The following EYA1 variants were observed in gnomAD, a reference collection of about 807,000 sequenced individuals.
EYA1 encodes protein phosphatase EYA1.
In EYA1, 16 loss-of-function variants were observed where a neutral mutation model predicts 82.0. The observed-to-expected ratio is 0.20, with a 90% CI of 0.13 to 0.30. The LOEUF is 0.30. Ranked by LOEUF, EYA1 falls within the 10% of genes least tolerant of loss-of-function variation. EYA1 has a pLI of 1.00. For synonymous variants in EYA1, 261 were observed against 264.4 expected, an observed-to-expected ratio of 0.99 and a Z score of 0.12; for missense variants, 633 against 730.7, an observed-to-expected ratio of 0.87 and a Z score of 1.54.
At chr8:71,425,056 C>T (rs573103019) in intron 2 of EYA1, among the ~76,000 whole-genome samples, 5 of 132,900 alleles carry the variant, frequency 3.8e-5, no homozygotes, top group Non-Finnish European at 7.6e-5. Flanking sequence ...GTCAGGAGAT[C>T]GAGACTATCC....
At chr8:71,266,496 C>T (rs1435321732) in intron 11 of EYA1, among the ~76,000 whole-genome samples, 2 of 152,170 alleles carry the variant, frequency 1.3e-5, no homozygotes, top group African/African-American at 4.8e-5. Context: ...TTGCATGCTT[C>T]CAGCTACAAT....
intron 2 of EYA1, among the ~76,000 whole-genome samples, chr8:71,386,340 A>G (rs953067723): frequency 2.6e-5 from 4 of 152,200 alleles, no homozygotes; most frequent in African/African-American, 4.8e-5. Context: ...GAGTCGCTCA[A>G]GCTCTCAAAA....
intron 17 of EYA1, among the ~76,000 whole-genome samples, chr8:71,208,161 A>T (rs1808049850): frequency 6.6e-6 from 1 of 152,100 alleles, no homozygotes; most frequent in Non-Finnish European, 1.5e-5. Context: ...GGCCGGGCAC[A>T]GTGGCTCATG....
intron 2 of EYA1, among the ~76,000 whole-genome samples, chr8:71,463,744 C>T (rs1808581019): frequency 6.6e-6 from 1 of 151,254 alleles, no homozygotes; most frequent in Non-Finnish European, 1.5e-5. Flanking sequence ...TCTCTAGTTT[C>T]CCATTCCTAC....
At chr8:71,426,729 G>T (rs529128623) in intron 2 of EYA1, among the ~76,000 whole-genome samples, 7 of 152,238 alleles carry the variant, frequency 4.6e-5, no homozygotes, top group African/African-American at 1.4e-4. Context: ...TTACAATTTT[G>T]CTTTATAAAT....
chr8:71,387,469 C>T (rs894943348), intron 2 of EYA1, among the ~76,000 whole-genome samples: 9 of 151,980 alleles, frequency 5.9e-5, no homozygotes, highest in Non-Finnish European at 1.2e-4. Flanking sequence ...TAGCAGTGGT[C>T]CAGGTGAGAG....
intron 2 of EYA1, among the ~76,000 whole-genome samples, chr8:71,473,122 T>C (rs970896802): frequency 6.6e-6 from 1 of 151,786 alleles, no homozygotes; most frequent in East Asian, 1.9e-4. Context: ...GCAAATACAA[T>C]ATAATATTAC....
intron 2 of EYA1, among the ~76,000 whole-genome samples, chr8:71,380,594 C>A (rs1026968303): frequency 2.0e-5 from 3 of 152,192 alleles, no homozygotes; most frequent in Non-Finnish European, 4.4e-5. Context: ...GTGCTGCTCC[C>A]TGGCCTGGAA....
At chr8:71,308,847 A>G (rs1002183650) in intron 7 of EYA1, among the ~76,000 whole-genome samples, 2 of 152,078 alleles carry the variant, frequency 1.3e-5, no homozygotes, top group Non-Finnish European at 2.9e-5. Context: ...TGTACTTGCC[A>G]TGTTTTAGAG....
chr8:71,212,130 G>A (rs1209804459), intron 16 of EYA1, among the ~76,000 whole-genome samples: 1 of 152,118 alleles, frequency 6.6e-6, no homozygotes, highest in East Asian at 1.9e-4. Flanking sequence ...ATGGACAATG[G>A]GACAGTTTAT....
At chr8:71,462,729 T>A (rs1808460170) in intron 2 of EYA1, among the ~76,000 whole-genome samples, 2 of 152,102 alleles carry the variant, frequency 1.3e-5, no homozygotes, top group Non-Finnish European at 1.5e-5. Flanking sequence ...GGGGCCAGGG[T>A]CTGGAGCGGT....
chr8:71,515,876 A>G (rs1307832204), intron 2 of EYA1, among the ~76,000 whole-genome samples: 1 of 152,206 alleles, frequency 6.6e-6, no homozygotes, highest in Non-Finnish European at 1.5e-5. Context: ...GTAATGATGA[A>G]TATGACAAAG....
intron 2 of EYA1, among the ~76,000 whole-genome samples, chr8:71,396,982 T>G (rs1394785172): frequency 6.6e-6 from 1 of 152,250 alleles, no homozygotes; most frequent in African/African-American, 2.4e-5. Context: ...CTGTATTGGA[T>G]GCATATATAT....
chr8:71,379,014 A>G (rs1486228800), intron 2 of EYA1, among the ~76,000 whole-genome samples: 2 of 152,174 alleles, frequency 1.3e-5, no homozygotes, highest in African/African-American at 4.8e-5. Flanking sequence ...ATTCCTTTCT[A>G]TACGTAAAAG....
At chr8:71,480,918 G>A (rs1418346423) in intron 2 of EYA1, among the ~76,000 whole-genome samples, 4 of 151,932 alleles carry the variant, frequency 2.6e-5, no homozygotes, top group South Asian at 2.1e-4. Flanking sequence ...GCTTTTTTCC[G>A]TGGTCAATAA....
intron 11 of EYA1, among the ~76,000 whole-genome samples, chr8:71,250,801 A>C (rs1813660319): frequency 6.6e-6 from 1 of 152,206 alleles, no homozygotes; most frequent in Non-Finnish European, 1.5e-5. Flanking sequence ...CATGTCATAA[A>C]GGCTTTCCCA....
In EYA1 at chr8:71,282,862, T is replaced by A. The variant is rs116289988; in HGVS notation, c.827-10965A>T. Among the ~76,000 whole-genome samples, 430 of 151,836 alleles carry A rather than the reference T, an allele frequency of 2.8e-3. 1 individual carries two copies. Among genetic ancestry groups the A allele is most frequent in the African/African-American group, 9.9e-3 (411 of 41,398 alleles). On this transcript the variant is annotated intron_variant, in intron 9 of 17. Coordinates refer to ENST00000340726, the MANE Select transcript of EYA1 (RefSeq NM_000503.6). ...CTTATCCAATGACTGAGTCACCACC[T>A]CCTGTTAGATTTCTAACAGACAGCT...
chr8:71,444,728 A>G (rs183045908), intron 2 of EYA1, among the ~76,000 whole-genome samples: 1 of 152,348 alleles, frequency 6.6e-6, no homozygotes, highest in Non-Finnish European at 1.5e-5. Context: ...CCAGAATTTT[A>G]TATCTGAACT....
intron 11 of EYA1, among the ~76,000 whole-genome samples, chr8:71,249,088 T>C (rs1221831844): frequency 6.6e-6 from 1 of 152,240 alleles, no homozygotes; most frequent in Admixed American, 6.5e-5. Flanking sequence ...CAAAGTAACA[T>C]CTCATTTTAA....
Sources: gnomAD v4.1 joint callset for allele counts (sites outside exome capture counted in the v4.1 genomes callset) on GRCh38, gnomAD v4.1.1 for gene constraint, MANE v1.5 for transcripts, NCBI Gene and HGNC (gene_info 2026-07-23, HGNC 2026-07-21) for gene names.